Variants in RNF121 observed in about 807,000 individuals in gnomAD.
RNF121 encodes the protein ring finger protein 121.
Under a neutral mutation model 46.5 loss-of-function variants are expected in RNF121, and 21 were observed. The ratio of observed to expected loss-of-function variants is 0.45; its 90% CI spans 0.32 to 0.65. The LOEUF (loss-of-function observed/expected upper bound fraction) is 0.65, where lower values mean the gene tolerates loss of function less well. Among genes scored for constraint, RNF121 ranks in the 30% least tolerant of loss-of-function variants. RNF121 has a pLI of 0.04. For missense variants in RNF121, 346 were observed against 416.0 expected, an observed-to-expected ratio of 0.83 and a Z score of 1.46; for synonymous variants, 139 against 144.7, an observed-to-expected ratio of 0.96 and a Z score of 0.28.
At position 71,978,985 on chromosome 11, in the gene RNF121, G is replaced by A. The variant is rs540308829; in HGVS notation, c.244-3776G>A. ...ATTCCTATTTGGACTTCTAGAAATGGTCTGAAGGCTAACAGAATCATTGAA... is the reference window on the plus strand; with the variant it reads ...ATTCCTATTTGGACTTCTAGAAATGATCTGAAGGCTAACAGAATCATTGAA... On this transcript the variant is annotated intron_variant, in intron 3 of 8. Coordinates refer to ENST00000361756, the MANE Select transcript of RNF121 (RefSeq NM_018320.5). Among the ~76,000 whole-genome samples the A allele has an allele frequency of 9.9e-5, 15 of 152,260 alleles. No homozygotes were observed. In the South Asian group the frequency reaches 3.1e-3, roughly 32 times the overall value.
At chr11:71,960,435 A>G (rs926816324) in intron 2 of RNF121, among the ~76,000 whole-genome samples, 2 of 152,208 alleles carry the variant, frequency 1.3e-5, no homozygotes, top group African/African-American at 4.8e-5. Flanking sequence ...GCAATGATGC[A>G]GGTTTCTCCT....
intron 6 of RNF121, among the ~76,000 whole-genome samples, chr11:71,991,843 C>G (rs1413512225): frequency 6.6e-6 from 1 of 151,722 alleles, no homozygotes; most frequent in Non-Finnish European, 1.5e-5. Context: ...TGGGAGGGGC[C>G]GGGCACAGTG....
intron 3 of RNF121, 26 bp downstream of exon 3, chr11:71,960,917 T>C (rs1412097426): frequency 8.7e-6 from 14 of 1,610,024 alleles, no homozygotes; most frequent in Non-Finnish European, 1.2e-5. Flanking sequence ...TCTTACTTCT[T>C]TGTCTGTCAG....
At position 71,971,653 on chromosome 11, in the gene RNF121, C is replaced by A. The variant is rs1222661233; in HGVS notation, c.243+10762C>A. Among the ~76,000 whole-genome samples the A allele has an allele frequency of 2.0e-5, 3 of 152,058 alleles. No homozygotes were observed. The East Asian group carries it at 5.8e-4, about 29-fold the overall frequency. ...ATGAACACATTTACAGGAAAGGAAA[C>A]CCAAAAGGCCATTAAGCATGAAAAG... On this transcript the variant is annotated intron_variant, in intron 3 of 8. Coordinates refer to ENST00000361756, the MANE Select transcript of RNF121 (RefSeq NM_018320.5).
intron 4 of RNF121, chr11:71,983,158 A>C: frequency 2.9e-6 from 1 of 343,374 alleles, no homozygotes; most frequent in Non-Finnish European, 5.2e-6. Context: ...AAAGGCAAAC[A>C]AAAATAAGCA....
At chr11:71,992,583 A>G (rs1248182959) in intron 6 of RNF121, among the ~76,000 whole-genome samples, 1 of 152,228 alleles carries the variant, frequency 6.6e-6, no homozygotes, top group Non-Finnish European at 1.5e-5. Context: ...AGAAACTGTC[A>G]GTGAAGTGAG....
At chr11:71,970,056 A>G (rs1954386453) in intron 3 of RNF121, among the ~76,000 whole-genome samples, 1 of 152,254 alleles carries the variant, frequency 6.6e-6, no homozygotes, top group South Asian at 2.1e-4. Context: ...TAATGTAAAA[A>G]GTAAAGAAAT....
chr11:71,943,396 A>G (rs1228482407), intron 1 of RNF121, among the ~76,000 whole-genome samples: 2 of 152,212 alleles, frequency 1.3e-5, no homozygotes, highest in Non-Finnish European at 2.9e-5. Flanking sequence ...GGGACTCTGA[A>G]GATCTGGCTT....
chr11:71,956,943 T>C (rs7924516), intron 1 of RNF121, among the ~76,000 whole-genome samples: 135,123 of 152,192 alleles, frequency 0.89, 60,244 homozygotes, highest in Non-Finnish European at 0.94. Context: ...TCTGTCTTTC[T>C]CACTAGTCTG....
At chr11:71,970,407 T>C (rs574340797) in intron 3 of RNF121, among the ~76,000 whole-genome samples, 1 of 152,290 alleles carries the variant, frequency 6.6e-6, no homozygotes, top group Admixed American at 6.5e-5. Flanking sequence ...ACACCTCTAA[T>C]CCCAGCACTT....
chr11:71,941,350 C>G (rs891865906), intron 1 of RNF121, among the ~76,000 whole-genome samples: 1 of 152,166 alleles, frequency 6.6e-6, no homozygotes, highest in Non-Finnish European at 1.5e-5. Context: ...CTCCCTAATT[C>G]GTTCACTCAT....
At chr11:71,962,388 C>A in intron 3 of RNF121, 1 of 677,298 alleles carries the variant, frequency 1.5e-6, no homozygotes, top group Non-Finnish European at 1.8e-6. Flanking sequence ...AAAACTCAAT[C>A]TGGGAAACAG....
At chr11:71,953,581 C>T (rs949727034) in intron 1 of RNF121, among the ~76,000 whole-genome samples, 1 of 142,560 alleles carries the variant, frequency 7.0e-6, no homozygotes, top group Non-Finnish European at 1.6e-5. Context: ...TGTTTCTTAA[C>T]AAGCTCTCAG....
chr11:71,991,903 A>G (rs1346055293), intron 6 of RNF121, among the ~76,000 whole-genome samples: 2 of 151,826 alleles, frequency 1.3e-5, no homozygotes, highest in Non-Finnish European at 2.9e-5. Context: ...CCAGGAGTTC[A>G]AGACCAGCCT....
At chr11:71,981,416 C>T (rs1200549952) in intron 3 of RNF121, among the ~76,000 whole-genome samples, 3 of 152,104 alleles carry the variant, frequency 2.0e-5, no homozygotes, top group Admixed American at 6.6e-5. Context: ...CTCTATATCT[C>T]TCTTTTTGTT....
At chr11:71,932,391 C>T (rs1249076273) in intron 1 of RNF121, among the ~76,000 whole-genome samples, 1 of 152,214 alleles carries the variant, frequency 6.6e-6, no homozygotes, top group African/African-American at 2.4e-5. Context: ...GCTTCTGATC[C>T]AGGCCTGCCT....
intron 3 of RNF121, among the ~76,000 whole-genome samples, chr11:71,976,205 T>C (rs1954522391): frequency 6.6e-6 from 1 of 152,144 alleles, no homozygotes; most frequent in Non-Finnish European, 1.5e-5. Flanking sequence ...TGCTCTCTTA[T>C]GGCCTGCTGT....
chr11:71,957,414 C>G (rs561829904), intron 2 of RNF121, 150 bp downstream of exon 2: 1 of 681,836 alleles, frequency 1.5e-6, no homozygotes, highest in East Asian at 2.6e-5. Flanking sequence ...CTCTAAGTAT[C>G]TGGGTTGCTC....
At chr11:71,982,188 T>C (rs1348221561) in intron 3 of RNF121, among the ~76,000 whole-genome samples, 2 of 151,864 alleles carry the variant, frequency 1.3e-5, no homozygotes, top group African/African-American at 2.4e-5. Context: ...ACACAAAAAT[T>C]AGCCACACGT....
Sources: gnomAD v4.1 joint callset for allele counts (sites outside exome capture counted in the v4.1 genomes callset) on GRCh38, gnomAD v4.1.1 for gene constraint, MANE v1.5 for transcripts, NCBI Gene and HGNC (gene_info 2026-07-23, HGNC 2026-07-21) for gene names.